ZNF791: variants seen among roughly 807,000 people sequenced by gnomAD.
The protein encoded by ZNF791 is zinc finger protein 791.
ZNF791 carries 4 observed loss-of-function variants against 11.5 expected under a neutral mutation model. That is an observed-to-expected ratio of 0.35 (90% CI 0.17 to 0.80). The LOEUF (loss-of-function observed/expected upper bound fraction) is 0.80, where lower values mean the gene tolerates loss of function less well. Ranked by LOEUF, ZNF791 falls within the 30% of genes least tolerant of loss-of-function variation. The pLI, the probability that ZNF791 is intolerant of heterozygous loss-of-function variation, is 0.53. For missense variants in ZNF791, 559 were observed against 699.4 expected, an observed-to-expected ratio of 0.80 and a Z score of 2.26; for synonymous variants, 212 against 228.1, an observed-to-expected ratio of 0.93 and a Z score of 0.64.
At chr19:12,623,046 G>A (rs1414674942) in intron 1 of ZNF791, among the ~76,000 whole-genome samples, 1 of 152,106 alleles carries the variant, frequency 6.6e-6, no homozygotes, top group African/African-American at 2.4e-5. Flanking sequence ...CTGCACTTGA[G>A]CCTAGGTGAC....
At chr19:12,620,704 G>A (rs946608295) in intron 1 of ZNF791, among the ~76,000 whole-genome samples, 4 of 148,492 alleles carry the variant, frequency 2.7e-5, no homozygotes, top group African/African-American at 1.0e-4. Flanking sequence ...CCCCTAGAGT[G>A]TCTGTCTGGG....
intron 1 of ZNF791, among the ~76,000 whole-genome samples, chr19:12,617,721 C>G (rs560394456): frequency 7.0e-6 from 1 of 142,704 alleles, no homozygotes; most frequent in African/African-American, 2.6e-5. Flanking sequence ...TGCCTTTCAA[C>G]TAAACTTTGT....
At position 12,618,308 on chromosome 19, in the gene ZNF791, T is replaced by A. The variant is rs1050744039; in HGVS notation, c.4-5392T>A. On this transcript the variant is annotated intron_variant, in intron 1 of 3. Coordinates refer to ENST00000343325, the MANE Select transcript of ZNF791 (RefSeq NM_153358.3). ...TATTAATGGAATTACACTTAAAGGG[T>A]TTTTTGGAGCCTAGGCAACATAGTG... Among the ~76,000 whole-genome samples the A allele has an allele frequency of 2.0e-5, 3 of 152,064 alleles. No homozygotes were observed. The East Asian group carries it at 5.8e-4, about 29-fold the overall frequency.
intron 1 of ZNF791, among the ~76,000 whole-genome samples, chr19:12,615,555 C>T (rs1437301989): frequency 1.3e-5 from 2 of 151,952 alleles, no homozygotes; most frequent in African/African-American, 2.4e-5. Context: ...CCGAGGCGGG[C>T]GGATCACAAG....
chr19:12,623,681 C>T lies in ZNF791; in HGVS notation c.4-19C>T. 1 of 1,613,702 alleles carries T rather than the reference C, an allele frequency of 6.2e-7. No individual in the cohort carries two copies. Among genetic ancestry groups the T allele is most frequent in the Non-Finnish European group, 8.5e-7 (1 of 1,179,860 alleles). Reference sequence around the variant, plus strand: ...CCTTGTCAATCTCACCTATTCTCTACTTATATTGGATGTTTCAGGACTCAG... The same window carrying T: ...CCTTGTCAATCTCACCTATTCTCTATTTATATTGGATGTTTCAGGACTCAG... On this transcript the variant is annotated intron_variant, in intron 1 of 3. Transcript: ENST00000343325.
At chr19:12,620,725 C>A (rs1329726033) in intron 1 of ZNF791, among the ~76,000 whole-genome samples, 4 of 148,836 alleles carry the variant, frequency 2.7e-5, no homozygotes, top group Admixed American at 1.3e-4. Flanking sequence ...ATCACTTCCT[C>A]CTGAAACTGG....
At chr19:12,627,637 A>G in intron 3 of ZNF791, 84 bp from the exon 4 acceptor site, 1 of 1,286,268 alleles carries the variant, frequency 7.8e-7, no homozygotes. Flanking sequence ...AAAAAAGAAA[A>G]AAGAACTTTA....
chr19:12,627,650 T>G, intron 3 of ZNF791, 71 bp from the exon 4 acceptor site: 1 of 1,350,092 alleles, frequency 7.4e-7, no homozygotes, highest in Non-Finnish European at 1.0e-6. Context: ...GAACTTTAGT[T>G]CTACTACCCG....
In ZNF791 at chr19:12,629,862, CAAA is replaced by C. The variant is rs917137699; in HGVS notation, c.*621_*623del. The C allele has an allele frequency of 3.5e-4, 20 of 56,880 alleles. No individual in the cohort carries two copies. Among genetic ancestry groups the C allele is most frequent in the South Asian group, 5.5e-4 (1 of 1,828 alleles). 3.5% of individuals were successfully genotyped at this position (56,880 alleles called of 1,614,324 possible). A position where few individuals can be genotyped will look rare whatever the true frequency, so the allele number is the denominator to read the frequency against. On this transcript the variant is annotated 3_prime_UTR_variant, in exon 4 of 4. Coordinates refer to ENST00000343325, the MANE Select transcript of ZNF791 (RefSeq NM_153358.3). ...CGGCCAACAGAGCGAGACTCTGTCT[CAAA>C]AAAAAAAAAAAAAAAAAAGTACAAC...
chr19:12,620,754 C>CTTTTTTTTT lies in ZNF791; in HGVS notation c.4-2930_4-2922dup, dbSNP rs1051381342. Among the ~76,000 whole-genome samples the CTTTTTTTTT allele has an allele frequency of 1.6e-4, 13 of 83,448 alleles. 1 individual carries two copies. The highest frequency in any genetic ancestry group is 5.9e-4 in the African/African-American group (11 of 18,666). 54.7% of individuals were successfully genotyped at this position (83,448 alleles called of 152,430 possible). A position where few individuals can be genotyped will look rare whatever the true frequency, so the allele number is the denominator to read the frequency against. On this transcript the variant is annotated intron_variant, in intron 1 of 3. Coordinates refer to ENST00000343325, the MANE Select transcript of ZNF791 (RefSeq NM_153358.3). Reference sequence around the variant, plus strand: ...AAACTGGAGAAAGGGGATTTATGTTCTTTTTTTTTTTTTTTTTTTTTTTTG... The same window carrying CTTTTTTTTT: ...AAACTGGAGAAAGGGGATTTATGTTCTTTTTTTTTTTTTTTTTTTTTTTTTTTTTTTTTG...
intron 1 of ZNF791, among the ~76,000 whole-genome samples, chr19:12,622,262 C>G (rs2023362002): frequency 7.0e-6 from 1 of 142,540 alleles, no homozygotes; most frequent in African/African-American, 2.5e-5. Flanking sequence ...GACCTTTGTT[C>G]ACTTGTTTAT....
intron 3 of ZNF791, among the ~76,000 whole-genome samples, chr19:12,625,352 C>T (rs1362860015): frequency 6.6e-6 from 1 of 151,288 alleles, no homozygotes; most frequent in Non-Finnish European, 1.5e-5. Flanking sequence ...AACTCCTGAC[C>T]TCAGGTGATC....
At chr19:12,613,179 C>T (rs900061501) in intron 1 of ZNF791, among the ~76,000 whole-genome samples, 1 of 151,106 alleles carries the variant, frequency 6.6e-6, no homozygotes, top group Non-Finnish European at 1.5e-5. Context: ...AGTCCGGTCT[C>T]GAACTCCGGA....
chr19:12,627,531 T>C (rs1017222602), intron 3 of ZNF791, among the ~76,000 whole-genome samples, 190 bp from the exon 4 acceptor site: 8 of 151,962 alleles, frequency 5.3e-5, no homozygotes, highest in African/African-American at 1.9e-4. Context: ...GAGGCCGAGG[T>C]AGGAGAATTG....
chr19:12,627,586 A>T (rs763577660), intron 3 of ZNF791, 135 bp from the exon 4 acceptor site: 2 of 776,806 alleles, frequency 2.6e-6, no homozygotes, highest in Non-Finnish European at 4.0e-6. Context: ...AGATCGCACC[A>T]TTGCACTCCA....
At chr19:12,618,704 A>G (rs531329590) in intron 1 of ZNF791, among the ~76,000 whole-genome samples, 1 of 150,348 alleles carries the variant, frequency 6.7e-6, no homozygotes, top group African/African-American at 2.4e-5. Context: ...CGGAGGCTGC[A>G]GTGAGCCGAG....
chr19:12,623,612 C>T lies in ZNF791; in HGVS notation c.4-88C>T. On this transcript the variant is annotated intron_variant, in intron 1 of 3. Coordinates refer to ENST00000343325, the MANE Select transcript of ZNF791 (RefSeq NM_153358.3). ...TCATGCACTAAATGTTTGGAGACCA[C>T]AAAATCGTGTGTGAATTTCTTATGA... The T allele has an allele frequency of 1.4e-5, 22 of 1,577,208 alleles. No individual in the cohort carries two copies. The South Asian group carries it at 2.3e-4, about 16-fold the overall frequency.
chr19:12,618,167 C>T (rs1310030482), intron 1 of ZNF791, among the ~76,000 whole-genome samples: 1 of 152,050 alleles, frequency 6.6e-6, no homozygotes, highest in Admixed American at 6.6e-5. Context: ...ATCCACCCAC[C>T]TTGGCTTTGC....
intron 2 of ZNF791, among the ~76,000 whole-genome samples, chr19:12,624,276 C>T (rs1301862803): frequency 6.6e-6 from 1 of 151,546 alleles, no homozygotes; most frequent in Non-Finnish European, 1.5e-5. Context: ...CCTCAGCCTC[C>T]CGAGTAGCTG....
Sources: allele counts gnomAD v4.1 joint callset (sites outside exome capture counted in the v4.1 genomes callset), GRCh38; gene constraint gnomAD v4.1.1; transcripts MANE v1.5; gene names NCBI Gene and HGNC (gene_info 2026-07-23, HGNC 2026-07-21).